Variants in TMEM117 observed in about 807,000 individuals in gnomAD.
TMEM117 encodes the protein transmembrane protein 117.
TMEM117 carries 27 observed loss-of-function variants against 52.4 expected under a neutral mutation model. That is an observed-to-expected ratio of 0.51 (90% CI 0.38 to 0.71). TMEM117 has a LOEUF of 0.71. Ranked by LOEUF, TMEM117 falls within the 30% of genes least tolerant of loss-of-function variation. TMEM117 has a pLI of 0.00. For missense variants in TMEM117, 556 were observed against 630.5 expected (o/e 0.88, Z 1.26); for synonymous variants, 215 against 206.3 (o/e 1.04, Z -0.36).
At chr12:44,180,601 G>A (rs1949182479) in intron 4 of TMEM117, among the ~76,000 whole-genome samples, 1 of 148,836 alleles carries the variant, frequency 6.7e-6, no homozygotes, top group Non-Finnish European at 1.5e-5. Context: ...AGAATATGCG[G>A]TGTCTGGTTT....
chr12:44,330,193 T>A (rs1951250445), intron 6 of TMEM117, among the ~76,000 whole-genome samples: 1 of 152,096 alleles, frequency 6.6e-6, no homozygotes, highest in Non-Finnish European at 1.5e-5. Context: ...GCCATCTTAC[T>A]GAATGTGAAG....
intron 3 of TMEM117, among the ~76,000 whole-genome samples, chr12:44,019,787 C>T (rs1206592076): frequency 2.0e-5 from 3 of 152,032 alleles, no homozygotes; most frequent in African/African-American, 2.4e-5. Context: ...AGATGGAATT[C>T]TGTCTCTAGA....
chr12:44,261,407 C>A (rs1950319162), intron 5 of TMEM117, among the ~76,000 whole-genome samples: 2 of 152,152 alleles, frequency 1.3e-5, no homozygotes, highest in African/African-American at 4.8e-5. Flanking sequence ...AAATGCAAAA[C>A]AATTCTGAAA....
intron 4 of TMEM117, among the ~76,000 whole-genome samples, chr12:44,184,582 A>G (rs1949250789): frequency 6.6e-6 from 1 of 152,156 alleles, no homozygotes; most frequent in Admixed American, 6.6e-5. Context: ...AGCCTCTAGA[A>G]GCAGAGAAAA....
intron 3 of TMEM117, among the ~76,000 whole-genome samples, chr12:43,944,811 GT>G (rs1945102750): frequency 6.6e-6 from 1 of 152,028 alleles, no homozygotes; most frequent in Non-Finnish European, 1.5e-5. Context: ...TTATAAATAG[GT>G]TGTTTTAAAA....
intron 2 of TMEM117, among the ~76,000 whole-genome samples, chr12:43,882,542 A>T (rs1177702048): frequency 6.6e-6 from 1 of 151,336 alleles, no homozygotes; most frequent in East Asian, 1.9e-4. Context: ...CCATATTTTG[A>T]GGACAGTTTA....
At chr12:44,135,778 A>C (rs1253896669) in intron 3 of TMEM117, among the ~76,000 whole-genome samples, 1 of 152,210 alleles carries the variant, frequency 6.6e-6, no homozygotes, top group Non-Finnish European at 1.5e-5. Flanking sequence ...CAGTGGACAA[A>C]TTATAGTTCC....
the TMEM117 span, among the ~76,000 whole-genome samples, chr12:43,801,241 G>A: frequency 1.3e-5 from 2 of 152,076 alleles, no homozygotes; most frequent in African/African-American, 4.8e-5. Flanking sequence ...CTTACCGATG[G>A]CACATACCAT....
chr12:44,255,471 A>C (rs528811549), intron 5 of TMEM117, among the ~76,000 whole-genome samples: 12 of 152,310 alleles, frequency 7.9e-5, no homozygotes, highest in African/African-American at 2.6e-4. Context: ...ACACTGACAT[A>C]TATGACATAT....
intron 5 of TMEM117, among the ~76,000 whole-genome samples, chr12:44,250,987 C>T (rs763237895): frequency 2.6e-5 from 4 of 151,972 alleles, no homozygotes; most frequent in African/African-American, 4.8e-5. Flanking sequence ...ACTTGTATCC[C>T]GGATCTTAAA....
At chr12:44,004,795 T>C (rs1565788613) in intron 3 of TMEM117, among the ~76,000 whole-genome samples, 1 of 152,208 alleles carries the variant, frequency 6.6e-6, no homozygotes, top group African/African-American at 2.4e-5. Flanking sequence ...AGTATATTTT[T>C]GTTTTGTTAC....
chr12:44,182,537 T>C (rs1253192711), intron 4 of TMEM117, among the ~76,000 whole-genome samples: 2 of 152,188 alleles, frequency 1.3e-5, no homozygotes, highest in Non-Finnish European at 2.9e-5. Context: ...AAATTAGGTA[T>C]TGATGGGACG....
rs12312342 is a variant in TMEM117 at position 44,327,231 on chromosome 12, C to G, written c.768+27492C>G. 3.7e-3 allele frequency among the ~76,000 whole-genome samples: 563 copies of G among 152,170 alleles called. 4 individuals carry two copies. Among genetic ancestry groups the G allele is most frequent in the African/African-American group, 0.013 (533 of 41,518 alleles). Reference sequence around the variant, plus strand: ...AAAAATTGAAGAGGTGATTACAACTCTGTAATTCATATTTCAGCCATTGTT... The same window carrying G: ...AAAAATTGAAGAGGTGATTACAACTGTGTAATTCATATTTCAGCCATTGTT... On this transcript the variant is annotated intron_variant, in intron 6 of 7. Coordinates refer to ENST00000266534, the MANE Select transcript of TMEM117 (RefSeq NM_032256.3).
intron 3 of TMEM117, among the ~76,000 whole-genome samples, chr12:43,987,523 ATTAACCTCTCAATGAAGC>A (rs1340055687): frequency 9.3e-5 from 14 of 149,922 alleles, no homozygotes; most frequent in Non-Finnish European, 1.9e-4. Flanking sequence ...TTTACTGTGA[ATTAACCTCTCAATGAAGC>A]TTTTAGTTAG....
intron 6 of TMEM117, among the ~76,000 whole-genome samples, chr12:44,355,532 T>C (rs1352341609): frequency 6.6e-6 from 1 of 152,062 alleles, no homozygotes; most frequent in Non-Finnish European, 1.5e-5. Flanking sequence ...AAGAGTCTTT[T>C]AGGAAGTAGT....
chr12:44,367,381 A>AG (rs1227984561), intron 6 of TMEM117, among the ~76,000 whole-genome samples: 2 of 152,152 alleles, frequency 1.3e-5, no homozygotes, highest in African/African-American at 4.8e-5. Context: ...TTAAACCTTC[A>AG]GGGGCATTAG....
intron 2 of TMEM117, among the ~76,000 whole-genome samples, chr12:43,941,843 A>G (rs1469762028): frequency 6.6e-6 from 1 of 152,228 alleles, no homozygotes; most frequent in Non-Finnish European, 1.5e-5. Context: ...TGGTACTGCC[A>G]CATCTCTCTT....
rs145588607 is a variant in TMEM117 at position 44,257,336 on chromosome 12, T to C, written c.609-42244T>C. Among the ~76,000 whole-genome samples the C allele has an allele frequency of 5.4e-3, 824 of 152,106 alleles. 8 individuals are homozygous for C. Among genetic ancestry groups the C allele is most frequent in the Middle Eastern group, 0.031 (9 of 294 alleles). On this transcript the variant is annotated intron_variant, in intron 5 of 7. Coordinates refer to ENST00000266534, the MANE Select transcript of TMEM117 (RefSeq NM_032256.3). ...TTTTGACACGTTGACTCTCTCTCTATATATAGGTGTCCACTCCATTTGTTG... is the reference window on the plus strand; with the variant it reads ...TTTTGACACGTTGACTCTCTCTCTACATATAGGTGTCCACTCCATTTGTTG...
At chr12:44,211,215 T>C (rs1314438208) in intron 4 of TMEM117, 75 bp from the exon 5 acceptor site, 17 of 990,788 alleles carry the variant, frequency 1.7e-5, no homozygotes, top group Non-Finnish European at 2.5e-5. Flanking sequence ...CAATAGAATG[T>C]AAATTATAGG....
Sources: allele counts gnomAD v4.1 joint callset (sites outside exome capture counted in the v4.1 genomes callset), GRCh38; gene constraint gnomAD v4.1.1; transcripts MANE v1.5; gene names NCBI Gene and HGNC (gene_info 2026-07-23, HGNC 2026-07-21).